Variants in LHFPL3 observed in about 807,000 individuals in gnomAD.
LHFPL3 encodes the protein LHFPL tetraspan subfamily member 3, also known as LHFPL tetraspan subfamily member 3 protein.
Under a neutral mutation model 19.3 loss-of-function variants are expected in LHFPL3, and 5 were observed. That is an observed-to-expected ratio of 0.26 (90% CI 0.14 to 0.54). The LOEUF is 0.54. Ranked by LOEUF, LHFPL3 falls within the 20% of genes least tolerant of loss-of-function variation. The probability of loss-of-function intolerance (pLI) is 0.94; values close to 1 mark genes in which losing one functional copy is unlikely to be tolerated. For missense variants in LHFPL3, 249 were observed against 307.4 expected (o/e 0.81, Z 1.42); for synonymous variants, 133 against 126.2 (o/e 1.05, Z -0.36).
intron 1 of LHFPL3, among the ~76,000 whole-genome samples, chr7:104,557,018 T>A (rs1405972921): frequency 6.6e-6 from 1 of 152,182 alleles, no homozygotes; most frequent in Non-Finnish European, 1.5e-5. Flanking sequence ...TGAGACCACT[T>A]CAGCCTGAAT....
At chr7:104,778,737 C>T (rs996823789) in intron 2 of LHFPL3, among the ~76,000 whole-genome samples, 1 of 152,242 alleles carries the variant, frequency 6.6e-6, no homozygotes, top group Non-Finnish European at 1.5e-5. Context: ...GGTGCCCCAG[C>T]TCTGGACCAG....
chr7:104,889,815 C>T (rs1792211766), intron 2 of LHFPL3, among the ~76,000 whole-genome samples: 1 of 152,082 alleles, frequency 6.6e-6, no homozygotes, highest in Non-Finnish European at 1.5e-5. Context: ...TTAATGGAAA[C>T]ATTTAAAATC....
Position 104,419,955 on chromosome 7 carries a change from AAAAC to A in LHFPL3, c.445+90746_445+90749del, listed in dbSNP as rs150383486. On this transcript the variant is annotated intron_variant, in intron 1 of 2. Coordinates refer to ENST00000424859, the MANE Select transcript of LHFPL3 (RefSeq NM_199000.3). Reference sequence around the variant, plus strand: ...TTACATCCTCAGTCTCCCAGAGTTAAAAACAAACAAACAAACAACAACAACAACA... The same window carrying A: ...TTACATCCTCAGTCTCCCAGAGTTAAAAACAAACAAACAACAACAACAACA... Among the ~76,000 whole-genome samples the A allele has an allele frequency of 5.5e-4, 83 of 152,210 alleles. 1 individual carries two copies. The highest frequency in any genetic ancestry group is 1.0e-3 in the African/African-American group (43 of 41,524).
intron 2 of LHFPL3, among the ~76,000 whole-genome samples, chr7:104,748,216 G>A (rs1020592157): frequency 7.9e-5 from 12 of 151,622 alleles, no homozygotes; most frequent in African/African-American, 1.5e-4. Flanking sequence ...CAAAAACTGC[G>A]GAAGGCCGCA....
chr7:104,354,925 CTTT>C (rs1790246570), intron 1 of LHFPL3, among the ~76,000 whole-genome samples: 1 of 152,030 alleles, frequency 6.6e-6, no homozygotes, highest in African/African-American at 2.4e-5. Flanking sequence ...ATTTTATATT[CTTT>C]TTCTTTTTGT....
chr7:104,409,019 C>T (rs1465008828), intron 1 of LHFPL3, among the ~76,000 whole-genome samples: 17 of 146,574 alleles, frequency 1.2e-4, no homozygotes, highest in Non-Finnish European at 2.4e-4. Flanking sequence ...CGCCTGCCAC[C>T]ACGCCCGGCT....
chr7:104,469,266 C>T (rs894634810), intron 1 of LHFPL3, among the ~76,000 whole-genome samples: 2 of 152,192 alleles, frequency 1.3e-5, no homozygotes, highest in Admixed American at 6.5e-5. Flanking sequence ...CCCAGCTCAT[C>T]AGCAGTGTGT....
chr7:104,872,203 G>A lies in LHFPL3; in HGVS notation c.683-33984G>A, dbSNP rs550355448. On this transcript the variant is annotated intron_variant, in intron 2 of 2. Coordinates refer to ENST00000424859, the MANE Select transcript of LHFPL3 (RefSeq NM_199000.3). ...AATACAAAAATTATCTGGGCGTGGT[G>A]GCACATGCTTGTAGTTCCAGCTACT... Among the ~76,000 whole-genome samples the A allele has an allele frequency of 1.5e-3, 221 of 151,830 alleles. 1 individual carries two copies. The highest frequency in any genetic ancestry group is 5.0e-3 in the African/African-American group (208 of 41,428).
chr7:104,692,600 G>A (rs183798145), intron 1 of LHFPL3, among the ~76,000 whole-genome samples: 13 of 152,356 alleles, frequency 8.5e-5, no homozygotes, highest in South Asian at 6.2e-4. Flanking sequence ...AAGGGCCAAC[G>A]TACAGCTCAG....
In LHFPL3 at chr7:104,733,549, C is replaced by G. The variant is rs375622403; in HGVS notation, c.446-3126C>G. Among the ~76,000 whole-genome samples, 5 of 152,100 alleles carry G rather than the reference C, an allele frequency of 3.3e-5. No individual in the cohort carries two copies. In the South Asian group the frequency reaches 8.3e-4, roughly 25 times the overall value. ...ATCAGAGACTAGGATTGCAACCCCT[C>G]CCTTTCTTTGTTTTCCATTTGCTTG... On this transcript the variant is annotated intron_variant, in intron 1 of 2. Coordinates refer to ENST00000424859, the MANE Select transcript of LHFPL3 (RefSeq NM_199000.3).
chr7:104,468,903 C>T (rs1036072168), intron 1 of LHFPL3, among the ~76,000 whole-genome samples: 6 of 152,238 alleles, frequency 3.9e-5, no homozygotes, highest in African/African-American at 1.2e-4. Flanking sequence ...TCATGATCCG[C>T]CTGCCTCTTC....
intron 1 of LHFPL3, among the ~76,000 whole-genome samples, chr7:104,570,794 G>A (rs1790217377): frequency 6.6e-6 from 1 of 152,084 alleles, no homozygotes; most frequent in South Asian, 2.1e-4. Flanking sequence ...CAGGAATTAA[G>A]CCCAGTACCC....
chr7:104,328,728 CG>C lies in LHFPL3; in HGVS notation c.-46del, dbSNP rs892792912. The C allele has an allele frequency of 6.1e-6, 9 of 1,468,152 alleles. No homozygotes were observed. Among genetic ancestry groups the C allele is most frequent in the African/African-American group, 4.4e-5 (3 of 68,736 alleles). The allele number at this position is 1,468,152 out of a possible 1,614,324, so 90.9% of individuals were successfully genotyped here. ...AGTGTGTCTCCTGCGCGCTGAGAGG[CG>C]GGGGGAGGCGGAGGACCAGGAGGAG... is the stretch of plus-strand genomic sequence containing the variant. On this transcript the variant is annotated 5_prime_UTR_variant, in exon 1 of 3. Transcript: ENST00000424859. This position sits in a 1 kb window ranked among gnomAD's most constrained non-coding sequence, Gnocchi z 4.6.
At chr7:104,675,916 G>A (rs890730152) in intron 1 of LHFPL3, among the ~76,000 whole-genome samples, 2 of 152,132 alleles carry the variant, frequency 1.3e-5, no homozygotes, top group African/African-American at 4.8e-5. Flanking sequence ...AGAGATGAGG[G>A]CAAAGGGCAG....
intron 1 of LHFPL3, among the ~76,000 whole-genome samples, chr7:104,551,848 A>G (rs1371848121): frequency 2.6e-5 from 4 of 152,248 alleles, no homozygotes; most frequent in Non-Finnish European, 2.9e-5. Flanking sequence ...TTGAAGCACA[A>G]TCTACAAGAG....
At chr7:104,605,263 C>T (rs1271054690) in intron 1 of LHFPL3, among the ~76,000 whole-genome samples, 1 of 152,118 alleles carries the variant, frequency 6.6e-6, no homozygotes, top group Non-Finnish European at 1.5e-5. Flanking sequence ...AACCTCTCTC[C>T]CCTTTCCAAT....
intron 1 of LHFPL3, among the ~76,000 whole-genome samples, chr7:104,730,607 GT>G (rs1312092625): frequency 6.6e-6 from 1 of 151,462 alleles, no homozygotes; most frequent in African/African-American, 2.4e-5. Context: ...TTTTTTTCTT[GT>G]AAATTTGTTT....
At chr7:104,437,702 A>G (rs1402205252) in intron 1 of LHFPL3, among the ~76,000 whole-genome samples, 2 of 152,168 alleles carry the variant, frequency 1.3e-5, no homozygotes, top group African/African-American at 4.8e-5. Context: ...AAAAGCATAC[A>G]ACTCAGAAAC....
chr7:104,711,776 A>G (rs916533122), intron 1 of LHFPL3, among the ~76,000 whole-genome samples: 1 of 152,184 alleles, frequency 6.6e-6, no homozygotes. Context: ...AACCCAGAAG[A>G]GATTTATGAA....
Sources: gnomAD v4.1 joint callset for allele counts (sites outside exome capture counted in the v4.1 genomes callset) on GRCh38, gnomAD v4.1.1 for gene constraint, Gnocchi (gnomAD v3.1) non-coding constraint, MANE v1.5 for transcripts, NCBI Gene and HGNC (gene_info 2026-07-23, HGNC 2026-07-21) for gene names.